C8orf34: variants seen among roughly 807,000 people sequenced by gnomAD.
The protein encoded by C8orf34 is chromosome 8 open reading frame 34.
Under a neutral mutation model 68.3 loss-of-function variants are expected in C8orf34, and 65 were observed. That is an observed-to-expected ratio of 0.95 (90% CI 0.78 to 1.17). The LOEUF is 1.17. Among genes scored for constraint, C8orf34 ranks in the 50% most tolerant of loss-of-function variants. The pLI is 0.00. For missense variants in C8orf34, 664 were observed against 655.4 expected, an observed-to-expected ratio of 1.01 and a Z score of -0.14; for synonymous variants, 244 against 241.2, an observed-to-expected ratio of 1.01 and a Z score of -0.11.
At chr8:68,803,969 T>A (rs1347316136) in intron 12 of C8orf34, among the ~76,000 whole-genome samples, 1 of 152,214 alleles carries the variant, frequency 6.6e-6, no homozygotes, top group African/African-American at 2.4e-5. Context: ...CAAACATTTC[T>A]ATGTAGAGAA....
chr8:68,465,790 G>A (rs1365767565), intron 3 of C8orf34, among the ~76,000 whole-genome samples: 1 of 151,428 alleles, frequency 6.6e-6, no homozygotes, highest in African/African-American at 2.4e-5. Context: ...ATCACACTCT[G>A]GGGCCTGTTG....
At chr8:68,710,175 C>T (rs146569484) in intron 9 of C8orf34, among the ~76,000 whole-genome samples, 12 of 152,262 alleles carry the variant, frequency 7.9e-5, no homozygotes, top group African/African-American at 2.6e-4. Context: ...TAGAAACTCA[C>T]ATCGTGAACT....
intron 8 of C8orf34, among the ~76,000 whole-genome samples, chr8:68,660,120 A>G (rs1043580992): frequency 3.9e-5 from 6 of 152,168 alleles, no homozygotes; most frequent in African/African-American, 1.2e-4. Context: ...GTACAGGGAC[A>G]CAGTTACCCA....
chr8:68,691,004 C>T (rs968044418), intron 8 of C8orf34, among the ~76,000 whole-genome samples: 6 of 152,050 alleles, frequency 3.9e-5, no homozygotes, highest in Non-Finnish European at 7.4e-5. Context: ...CTCCTGCTTT[C>T]AGGAAGAAAG....
chr8:68,747,215 G>A (rs1376844199), intron 10 of C8orf34, among the ~76,000 whole-genome samples: 1 of 151,704 alleles, frequency 6.6e-6, no homozygotes, highest in African/African-American at 2.4e-5. Flanking sequence ...CAATAAATTA[G>A]GTATTGATGG....
chr8:68,719,819 TTTA>T (rs1821617121), intron 9 of C8orf34, among the ~76,000 whole-genome samples: 1 of 151,994 alleles, frequency 6.6e-6, no homozygotes, highest in South Asian at 2.1e-4. Flanking sequence ...ATGTTATTTA[TTTA>T]TTAAGTCAAT....
intron 6 of C8orf34, among the ~76,000 whole-genome samples, chr8:68,527,643 A>T (rs949841909): frequency 6.6e-6 from 1 of 152,212 alleles, no homozygotes; most frequent in Non-Finnish European, 1.5e-5. Context: ...CCCAAGATTG[A>T]TAGCCGTTAG....
Position 68,669,012 on chromosome 8 carries a change from A to G in C8orf34, c.1241+28501A>G, listed in dbSNP as rs544329630. On this transcript the variant is annotated intron_variant, in intron 8 of 13. Transcript: ENST00000518698. ...TTGTTAGATGCTAAGCAGAGAACCT[A>G]GCCAAGTTCACCAGGACTCCTGACT... 1.2e-4 allele frequency among the ~76,000 whole-genome samples: 19 copies of G among 152,320 alleles called. 1 individual carries two copies. In the South Asian group the frequency reaches 3.9e-3, roughly 32 times the overall value.
At chr8:68,767,638 C>A (rs908342566) in intron 10 of C8orf34, among the ~76,000 whole-genome samples, 2 of 152,162 alleles carry the variant, frequency 1.3e-5, no homozygotes, top group East Asian at 3.9e-4. Flanking sequence ...TTCATTCATG[C>A]ATGCATTCAT....
At chr8:68,744,831 C>T (rs576179036) in intron 10 of C8orf34, among the ~76,000 whole-genome samples, 153 of 152,282 alleles carry the variant, frequency 1.0e-3, no homozygotes, top group Non-Finnish European at 1.2e-4. Context: ...TCCAGGAGAA[C>T]TTCCCCAATC....
intron 10 of C8orf34, among the ~76,000 whole-genome samples, chr8:68,749,654 C>T (rs1822640338): frequency 6.6e-6 from 1 of 152,118 alleles, no homozygotes; most frequent in Non-Finnish European, 1.5e-5. Context: ...TGTTCCTATA[C>T]ATTTGCCTAT....
chr8:68,692,469 G>C lies in C8orf34; in HGVS notation c.1242-16525G>C, dbSNP rs182129554. Among the ~76,000 whole-genome samples, 4 of 152,056 alleles carry C rather than the reference G, an allele frequency of 2.6e-5. No individual in the cohort carries two copies. The East Asian group carries it at 7.8e-4, about 29-fold the overall frequency. ...TCATATGTACATGGGAGACACCCAG[G>C]GAATGAGTAGTTCACAAAGAAGTGG... On this transcript the variant is annotated intron_variant, in intron 8 of 13. Transcript: ENST00000518698.
At chr8:68,711,041 T>C (rs1031689116) in intron 9 of C8orf34, among the ~76,000 whole-genome samples, 1 of 152,126 alleles carries the variant, frequency 6.6e-6, no homozygotes, top group African/African-American at 2.4e-5. Flanking sequence ...GTAGCTCCAC[T>C]GGATGGCTAG....
chr8:68,416,554 C>G (rs188553189), intron 1 of C8orf34, among the ~76,000 whole-genome samples: 2 of 132,566 alleles, frequency 1.5e-5, no homozygotes, highest in African/African-American at 5.7e-5. Context: ...TATTTAGAGA[C>G]GAAGTCTCTC....
intron 1 of C8orf34, among the ~76,000 whole-genome samples, chr8:68,382,496 A>G (rs1294825880): frequency 6.6e-6 from 1 of 152,250 alleles, no homozygotes; most frequent in Non-Finnish European, 1.5e-5. Context: ...TGAACACAGC[A>G]GACCTAGAGT....
At chr8:68,642,301 CA>C (rs1477172947) in intron 8 of C8orf34, among the ~76,000 whole-genome samples, 3 of 152,028 alleles carry the variant, frequency 2.0e-5, no homozygotes, top group Non-Finnish European at 4.4e-5. Flanking sequence ...GTTGTACTTT[CA>C]AAAGCAAAGG....
chr8:68,539,014 T>G (rs1350004474), intron 7 of C8orf34, among the ~76,000 whole-genome samples: 2 of 152,148 alleles, frequency 1.3e-5, no homozygotes, highest in African/African-American at 2.4e-5. Flanking sequence ...TAAATAAAAT[T>G]ATAAAAGTGT....
chr8:68,803,153 C>T (rs1461513698), intron 12 of C8orf34, among the ~76,000 whole-genome samples: 1 of 152,060 alleles, frequency 6.6e-6, no homozygotes, highest in Non-Finnish European at 1.5e-5. Flanking sequence ...TTTTATGAGA[C>T]TAGCTAACCT....
chr8:68,769,215 A>G (rs1225518253), intron 10 of C8orf34, among the ~76,000 whole-genome samples: 33 of 151,652 alleles, frequency 2.2e-4, no homozygotes, highest in Non-Finnish European at 2.9e-5. Context: ...AAGATCTGCT[A>G]TTATCCTTAT....
Sources: gnomAD v4.1 joint callset for allele counts (sites outside exome capture counted in the v4.1 genomes callset) on GRCh38, gnomAD v4.1.1 for gene constraint, MANE v1.5 for transcripts, NCBI Gene and HGNC (gene_info 2026-07-23, HGNC 2026-07-21) for gene names.